Variants in LEMD3 observed in about 807,000 individuals in gnomAD.
The protein encoded by LEMD3 is LEM domain containing 3.
LEMD3 carries 33 observed loss-of-function variants against 95.2 expected under a neutral mutation model. The ratio of observed to expected loss-of-function variants is 0.35; its 90% confidence interval spans 0.26 to 0.46. The LOEUF (loss-of-function observed/expected upper bound fraction) is 0.46. LEMD3 is among the 20% of genes least tolerant of loss of function. The probability of loss-of-function intolerance (pLI) is 1.00; values close to 1 mark genes in which losing one functional copy is unlikely to be tolerated. For missense variants in LEMD3, 1,210 were observed against 1,192.8 expected (o/e 1.01, Z -0.21); for synonymous variants, 525 against 474.6 (o/e 1.11, Z -1.38).
rs1489297827 is a variant in LEMD3 at position 65,214,396 on chromosome 12, CA to C, written c.1561-1576del. On this transcript the variant is annotated intron_variant, in intron 2 of 12. Transcript: ENST00000308330. ...GAATCTGATTAAGATAAAATTGAGG[CA>C]AAAATATATATATATACGTAGGAAG... 2.0e-5 allele frequency among the ~76,000 whole-genome samples: 3 copies of C among 151,940 alleles called. No individual in the cohort carries two copies. In the East Asian group the frequency reaches 5.8e-4, roughly 29 times the overall value.
intron 1 of LEMD3, among the ~76,000 whole-genome samples, chr12:65,194,330 G>C (rs995105446): frequency 2.0e-5 from 3 of 152,110 alleles, no homozygotes; most frequent in Non-Finnish European, 4.4e-5. Context: ...TTTAATTCAT[G>C]GAGAGCCAGC....
chr12:65,211,039 A>T, intron 2 of LEMD3, 76 bp downstream of exon 2: 1 of 1,037,360 alleles, frequency 9.6e-7, no homozygotes, highest in Non-Finnish European at 1.5e-6. Context: ...ACTATCAACT[A>T]AAAAAAAGTA....
intron 4 of LEMD3, among the ~76,000 whole-genome samples, chr12:65,234,371 G>T (rs927749060): frequency 3.3e-5 from 5 of 152,170 alleles, no homozygotes; most frequent in Non-Finnish European, 1.5e-5. Flanking sequence ...TAATAAAACA[G>T]TTTAAACTGT....
At chr12:65,241,118 TTTC>T (rs1371942331) in intron 9 of LEMD3, 31 bp downstream of exon 9, 1 of 1,582,480 alleles carries the variant, frequency 6.3e-7, no homozygotes, top group Admixed American at 1.7e-5. Context: ...AAAAAGTAAT[TTTC>T]TTCTAATTTT....
At position 65,169,714 on chromosome 12, in the gene LEMD3, C is replaced by T. The variant is rs754698589; in HGVS notation, c.118C>T (p.Leu40Phe). The change falls in exon 1 of 13, where the codon CTC (leucine) becomes TTC (phenylalanine). Residue 40 changes from leucine (L) to phenylalanine (F), a missense_variant. Physicochemically the swap from Leu to Phe is conservative, Grantham distance 22. Around this residue, in one of 2 missense-constraint regions of LEMD3, gnomAD observed 749 missense variants for 622.9 expected, o/e 1.20. Coordinates refer to ENST00000308330, the MANE Select transcript of LEMD3 (RefSeq NM_014319.5). ...GACGGAGAGCACCCGCCCGGTCTACCTCAAGAAGCTGAAGAAGCTTCGAGA... is the reference window on the plus strand; with the variant it reads ...GACGGAGAGCACCCGCCCGGTCTACTTCAAGAAGCTGAAGAAGCTTCGAGA... The part of the protein sequence containing the change: ...PVTESTRPVY[L>F]KKLKKLREEE... 1.3e-6 allele frequency: 2 copies of T among 1,587,358 alleles called. No homozygotes were observed. The highest frequency in any genetic ancestry group is 1.8e-5 in the Admixed American group (1 of 56,160).
intron 4 of LEMD3, among the ~76,000 whole-genome samples, chr12:65,228,912 T>C (rs372050492): frequency 5.9e-5 from 9 of 152,230 alleles, no homozygotes; most frequent in East Asian, 1.9e-4. Flanking sequence ...TGCAGTGTTA[T>C]AGAACACTAG....
At chr12:65,214,119 C>T (rs1478816657) in intron 2 of LEMD3, among the ~76,000 whole-genome samples, 1 of 152,080 alleles carries the variant, frequency 6.6e-6, no homozygotes, top group African/African-American at 2.4e-5. Context: ...GGCTGGAGTA[C>T]AGTGGCATGA....
chr12:65,246,899 A>G lies in LEMD3; in HGVS notation c.*574A>G, dbSNP rs1414777533. 1 of 155,518 alleles carries G rather than the reference A, an allele frequency of 6.4e-6. No homozygotes were observed. Among genetic ancestry groups the G allele is most frequent in the African/African-American group, 2.4e-5 (1 of 41,468 alleles). The allele number at this position is 155,518 out of a possible 1,614,324, so 9.6% of individuals were successfully genotyped here. A position where few individuals can be genotyped will look rare whatever the true frequency, so the allele number is the denominator to read the frequency against. On this transcript the variant is annotated 3_prime_UTR_variant, in exon 13 of 13. Transcript: ENST00000308330. ...GTATATGTACTTAAACTGGCTTTGT[A>G]TATATGTATAAATGCTGGTGGTGGT...
intron 1 of LEMD3, among the ~76,000 whole-genome samples, chr12:65,209,523 ATAT>A (rs1411384311): frequency 2.6e-5 from 4 of 152,102 alleles, no homozygotes; most frequent in Non-Finnish European, 4.4e-5. Flanking sequence ...TGAAAAATTA[ATAT>A]TATTAAAAAG....
At chr12:65,179,752 G>A (rs772019119) in intron 1 of LEMD3, among the ~76,000 whole-genome samples, 2 of 152,098 alleles carry the variant, frequency 1.3e-5, no homozygotes, top group Non-Finnish European at 2.9e-5. Context: ...TCCTGCACAT[G>A]TATCCCAGAA....
chr12:65,190,143 T>C (rs1039996479), intron 1 of LEMD3, among the ~76,000 whole-genome samples: 3 of 152,172 alleles, frequency 2.0e-5, no homozygotes, highest in African/African-American at 7.2e-5. Context: ...AACCAGTGTT[T>C]CCAGTTATAA....
chr12:65,229,150 T>C (rs1870548465), intron 4 of LEMD3, among the ~76,000 whole-genome samples: 1 of 152,216 alleles, frequency 6.6e-6, no homozygotes, highest in Non-Finnish European at 1.5e-5. Flanking sequence ...ATGGTATTTG[T>C]CTTTCTGTGG....
At position 65,196,010 on chromosome 12, in the gene LEMD3, G is replaced by T. The variant is rs573302647; in HGVS notation, c.1523-14916G>T. Reference sequence around the variant, plus strand: ...CAAATTTCTGGGGGTTTTCCTTTGGGACAGAGAAAATTTTGCTTGATCTGA... The same window carrying T: ...CAAATTTCTGGGGGTTTTCCTTTGGTACAGAGAAAATTTTGCTTGATCTGA... On this transcript the variant is annotated intron_variant, in intron 1 of 12. Coordinates refer to ENST00000308330, the MANE Select transcript of LEMD3 (RefSeq NM_014319.5). Among the ~76,000 whole-genome samples the T allele has an allele frequency of 2.0e-5, 3 of 152,114 alleles. No homozygotes were observed. The South Asian group carries it at 6.2e-4, about 32-fold the overall frequency.
At chr12:65,229,775 C>T (rs1870566519) in intron 4 of LEMD3, among the ~76,000 whole-genome samples, 1 of 152,104 alleles carries the variant, frequency 6.6e-6, no homozygotes, top group African/African-American at 2.4e-5. Context: ...GCAAATGTCC[C>T]CCATTCTACT....
chr12:65,215,604 T>A (rs1175315753), intron 2 of LEMD3, among the ~76,000 whole-genome samples: 1 of 152,136 alleles, frequency 6.6e-6, no homozygotes, highest in Non-Finnish European at 1.5e-5. Flanking sequence ...AAACAAGACA[T>A]GAAGGGCAGC....
rs1868463967 is a variant in LEMD3, at chr12:65,169,951, C to T, written c.355C>T (p.Leu119=). Residue 119 remains leucine, a synonymous_variant, in exon 1 of 13, where the codon CTG becomes TTG. Coordinates refer to ENST00000308330, the MANE Select transcript of LEMD3 (RefSeq NM_014319.5). ...CTCGGCCTCTGGCCCAGAGAGCCTCCTGGGAGGGCCCGGGGGCGCCTCCGC... is the reference window on the plus strand; with the variant it reads ...CTCGGCCTCTGGCCCAGAGAGCCTCTTGGGAGGGCCCGGGGGCGCCTCCGC... ...RISASGPESL[L]GGPGGASAAP... 2.1e-6 allele frequency: 3 copies of T among 1,458,500 alleles called. No homozygotes were observed. The highest frequency in any genetic ancestry group is 1.5e-5 in the African/African-American group (1 of 67,476). 90.3% of individuals were successfully genotyped at this position (1,458,500 alleles called of 1,614,324 possible).
At chr12:65,220,170 A>G (rs958830234) in intron 4 of LEMD3, among the ~76,000 whole-genome samples, 10 of 152,188 alleles carry the variant, frequency 6.6e-5, no homozygotes, top group African/African-American at 2.4e-4. Context: ...TTCCAATAGT[A>G]TAGTAGGATT....
intron 9 of LEMD3, among the ~76,000 whole-genome samples, chr12:65,241,367 C>T (rs1870934759): frequency 6.6e-6 from 1 of 151,534 alleles, no homozygotes; most frequent in Non-Finnish European, 1.5e-5. Flanking sequence ...TAACTGCATT[C>T]TTTTCATCTA....
At chr12:65,244,842 C>A (rs1207422602) in intron 10 of LEMD3, among the ~76,000 whole-genome samples, 1 of 151,964 alleles carries the variant, frequency 6.6e-6, no homozygotes, top group South Asian at 2.1e-4. Flanking sequence ...TCCCAGCTAT[C>A]TGGGAGGCTG....
Sources: allele counts gnomAD v4.1 joint callset (sites outside exome capture counted in the v4.1 genomes callset), GRCh38; gene constraint gnomAD v4.1.1; regional missense constraint gnomAD v4.1.1; transcripts MANE v1.5; gene names NCBI Gene and HGNC (gene_info 2026-07-23, HGNC 2026-07-21).